The following AHNAK variants were observed in gnomAD, a reference collection of about 807,000 sequenced individuals.
AHNAK encodes AHNAK nucleoprotein.
AHNAK carries 23 observed loss-of-function variants against 37.8 expected under a neutral mutation model. The ratio of observed to expected loss-of-function variants is 0.61; its 90% CI spans 0.44 to 0.86. The LOEUF (loss-of-function observed/expected upper bound fraction) is 0.86, where lower values mean the gene tolerates loss of function less well. Among genes scored for constraint, AHNAK ranks in the 40% least tolerant of loss-of-function variants. The pLI is 0.00. For synonymous variants in AHNAK, 2,481 were observed against 2,636.3 expected (o/e 0.94, Z 1.80); for missense variants, 7,411 against 7,319.4 (o/e 1.01, Z -0.46).
At chr11:62,458,263 T>C (rs981424158) in intron 5 of AHNAK, among the ~76,000 whole-genome samples, 4 of 151,808 alleles carry the variant, frequency 2.6e-5, no homozygotes, top group Middle Eastern at 3.2e-3. Context: ...AAATACTTAG[T>C]TCATAAGCAA....
In AHNAK at chr11:62,524,237, C is replaced by A; in HGVS notation, c.10180G>T (p.Val3394Phe). 1 of 1,612,940 alleles carries A rather than the reference C, an allele frequency of 6.2e-7. No homozygotes were observed. The highest frequency in any genetic ancestry group is 1.1e-5 in the South Asian group (1 of 90,720). Residue 3394 changes from valine (V) to phenylalanine (F), a missense_variant, in exon 5 of 5, where the codon GTC becomes TTC. Physicochemically the swap from Val to Phe is conservative, Grantham distance 50 (BLOSUM62 -1). Transcript: ENST00000378024. Reference protein sequence around the residue: ...KVDINAPDVEVQGKVKGSKFK... With the variant: ...KVDINAPDVEFQGKVKGSKFK... Reference sequence around the variant, plus strand: ...TTGGATCCTTTCACTTTTCCTTGGACCTCGACATCAGGAGCATTAATATCA... The same window carrying A: ...TTGGATCCTTTCACTTTTCCTTGGAACTCGACATCAGGAGCATTAATATCA...
chr11:62,441,460 C>T (rs1938304074), intron 5 of AHNAK, among the ~76,000 whole-genome samples: 1 of 151,998 alleles, frequency 6.6e-6, no homozygotes, highest in Admixed American at 6.6e-5. Context: ...GTGACAGAGT[C>T]AGAACCTGTC....
Position 62,521,735 on chromosome 11 carries a change from C to G in AHNAK, c.12682G>C (p.Val4228Leu), listed in dbSNP as rs146104866. The change falls in exon 5 of 5, where the codon GTT becomes CTT. Residue 4228 changes from valine (V) to leucine (L), a missense_variant. Coordinates refer to ENST00000378024, the MANE Select transcript of AHNAK (RefSeq NM_001620.3). ...GGACCTTCGATATTCACATCAGGAACATCAATGTCCACCTTGGGTCCTGAG... is the reference window on the plus strand; with the variant it reads ...GGACCTTCGATATTCACATCAGGAAGATCAATGTCCACCTTGGGTCCTGAG... ...DVSGPKVDID[V>L]PDVNIEGPDA... is the part of the protein sequence containing the mutation. 1.2e-6 allele frequency: 2 copies of G among 1,613,890 alleles called. No homozygotes were observed. Among genetic ancestry groups the G allele is most frequent in the Non-Finnish European group, 1.7e-6 (2 of 1,179,994 alleles).
At position 62,535,138 on chromosome 11, in the gene AHNAK, C is replaced by T; in HGVS notation, c.207G>A (p.Glu69=). The T allele has an allele frequency of 6.2e-7, 1 of 1,613,458 alleles. No homozygotes were observed. The highest frequency in any genetic ancestry group is 8.5e-7 in the Non-Finnish European group (1 of 1,179,436). ...CCATGGTGTTCAGCAGCTGGGTCAC[C>T]TCACCCGACTGCAGGTTGTCAAAGT... The part of the protein sequence containing the change: ...TIYFDNLQSG[E]VTQLLNTMGH... Residue 69 remains glutamate, a synonymous_variant, in exon 4 of 5, where the codon GAG becomes GAA. Coordinates refer to ENST00000378024, the MANE Select transcript of AHNAK (RefSeq NM_001620.3).
intron 5 of AHNAK, among the ~76,000 whole-genome samples, chr11:62,462,250 C>A (rs1349418314): frequency 6.6e-6 from 1 of 151,974 alleles, no homozygotes; most frequent in East Asian, 1.9e-4. Context: ...GCCACCTGAC[C>A]TCCGCCCTCC....
At chr11:62,462,335 C>T (rs1256040249) in intron 5 of AHNAK, among the ~76,000 whole-genome samples, 1 of 152,104 alleles carries the variant, frequency 6.6e-6, no homozygotes, top group Non-Finnish European at 1.5e-5. Flanking sequence ...AGCGGCCACA[C>T]CCAGTGGATC....
intron 1 of AHNAK, among the ~76,000 whole-genome samples, chr11:62,543,335 C>T (rs1308491164): frequency 2.0e-5 from 3 of 152,314 alleles, no homozygotes; most frequent in Middle Eastern, 3.4e-3. Context: ...TGCCTCCAAG[C>T]CCGATGACAA....
intron 5 of AHNAK, among the ~76,000 whole-genome samples, chr11:62,480,244 G>A (rs574511629): frequency 6.6e-6 from 1 of 152,338 alleles, no homozygotes; most frequent in East Asian, 1.9e-4. Context: ...CCCTTTAGCA[G>A]TTGATACTTT....
chr11:62,482,865 C>T (rs1290399231), intron 5 of AHNAK, among the ~76,000 whole-genome samples: 1 of 152,138 alleles, frequency 6.6e-6, no homozygotes, highest in Non-Finnish European at 1.5e-5. Flanking sequence ...GTAAAATATT[C>T]CTCATTCGTA....
At chr11:62,447,223 A>T (rs185033276) in intron 5 of AHNAK, among the ~76,000 whole-genome samples, 5 of 152,250 alleles carry the variant, frequency 3.3e-5, no homozygotes, top group Admixed American at 3.3e-4. Flanking sequence ...CTCAAAAGGC[A>T]TTTCCCTCCC....
Position 62,524,755 on chromosome 11 carries a change from A to G in AHNAK, c.9662T>C (p.Met3221Thr), listed in dbSNP as rs756256556. ...TTTAAGATTGAGGTCCAAATCAGGC[A>G]TTGATATTTTAGGAGCTTTGATGTT... ...EMNIKAPKIS[M>T]PDLDLNLKGP... The change falls in exon 5 of 5, where the codon ATG becomes ACG. Residue 3221 changes from methionine (M) to threonine (T), a missense_variant. Transcript: ENST00000378024. The G allele has an allele frequency of 1.1e-5, 17 of 1,614,064 alleles. No individual in the cohort carries two copies. The highest frequency in any genetic ancestry group is 3.3e-5 in the Admixed American group (2 of 59,996).
chr11:62,466,843 G>A (rs1427231915), intron 5 of AHNAK, among the ~76,000 whole-genome samples: 1 of 152,022 alleles, frequency 6.6e-6, no homozygotes, highest in Non-Finnish European at 1.5e-5. Flanking sequence ...TTTAAACATA[G>A]GCTACAATGC....
chr11:62,491,900 C>T, intron 4 of AHNAK: 1 of 1,399,796 alleles, frequency 7.1e-7, no homozygotes, highest in African/African-American at 1.4e-5. Flanking sequence ...TTTTCAAATG[C>T]CTACTATGGG....
rs753070912 is a variant in AHNAK at position 62,524,427 on chromosome 11, C to CT, written c.9989dup (p.Glu3333ArgfsTer8). The CT allele has an allele frequency of 1.2e-6, 2 of 1,613,218 alleles. No individual in the cohort carries two copies. The highest frequency in any genetic ancestry group is 2.7e-5 in the African/African-American group (2 of 74,770). On this transcript the variant is annotated frameshift_variant, in exon 5 of 5. Transcript: ENST00000378024. LOFTEE classifies it low-confidence loss of function (END_TRUNC). The stretch of plus-strand genomic sequence containing the variant: ...GACCGGAAACGTCCACTTCTGGGCC[C>CT]TTTATATCCAAACTGGGAGCTTTAA...
chr11:62,484,488 CATT>C, intron 5 of AHNAK, among the ~76,000 whole-genome samples: 2 of 152,248 alleles, frequency 1.3e-5, no homozygotes, highest in Middle Eastern at 6.8e-3. Flanking sequence ...TGCGAGGTGA[CATT>C]ATAAGGGGAA....
At chr11:62,535,893 C>T in intron 3 of AHNAK, 52 bp downstream of exon 3, 3 of 1,565,230 alleles carry the variant, frequency 1.9e-6, no homozygotes, top group South Asian at 1.1e-5. Flanking sequence ...CTCCAACACC[C>T]CCACCGACCC....
At chr11:62,497,835 GC>G (rs1171602191) in intron 4 of AHNAK, among the ~76,000 whole-genome samples, 1 of 151,896 alleles carries the variant, frequency 6.6e-6, no homozygotes, top group Admixed American at 6.6e-5. Context: ...GTGGTGGCAC[GC>G]CCCTGTAATC....
At chr11:62,433,576 C>T (rs931405693) in exon 6 of AHNAK, 26 of 434,480 alleles carry the variant, frequency 6.0e-5, no homozygotes, top group African/African-American at 3.8e-4. Flanking sequence ...GATAAACGAG[C>T]GAAGGATAAT....
At chr11:62,538,433 C>T (rs1254034032) in intron 1 of AHNAK, among the ~76,000 whole-genome samples, 3 of 152,248 alleles carry the variant, frequency 2.0e-5, no homozygotes, top group Non-Finnish European at 2.9e-5. Context: ...CCACGGACTA[C>T]AGCCACAGCA....
Sources: gnomAD v4.1 joint callset for allele counts (sites outside exome capture counted in the v4.1 genomes callset) on GRCh38, gnomAD v4.1.1 for gene constraint, MANE v1.5 for transcripts, NCBI Gene and HGNC (gene_info 2026-07-23, HGNC 2026-07-21) for gene names.